Variants in DMBX1 observed in about 807,000 individuals in gnomAD.
DMBX1 encodes diencephalon/mesencephalon homeobox protein 1.
Under a neutral mutation model 30.4 loss-of-function variants are expected in DMBX1, and 7 were observed. That is an observed-to-expected ratio of 0.23 (90% CI 0.13 to 0.43). The LOEUF (loss-of-function observed/expected upper bound fraction) is 0.43, where lower values mean the gene tolerates loss of function less well. Among genes scored for constraint, DMBX1 ranks in the 20% least tolerant of loss-of-function variants. The probability of loss-of-function intolerance (pLI) is 1.00; values close to 1 mark genes in which losing one functional copy is unlikely to be tolerated. For synonymous variants in DMBX1, 222 were observed against 214.2 expected (o/e 1.04, Z -0.32); for missense variants, 460 against 508.5 (o/e 0.90, Z 0.92).
Position 46,512,315 on chromosome 1 carries a change from C to CT in DMBX1, c.956dup (p.Ser320ValfsTer33). On this transcript the variant is annotated frameshift_variant, in exon 6 of 6. Coordinates refer to ENST00000360032, the MANE Select transcript of DMBX1 (RefSeq NM_172225.2). LOFTEE classifies it high-confidence loss of function. The surrounding 1 kb of genome is among the most constrained non-coding windows in gnomAD (Gnocchi z 4.8). ...GCACTGCCAGTCCTACTACCAGTCC[C>CT]TGTCAGCAGCCGCTGCTGCCCACCA... 1 of 1,613,714 alleles carries CT rather than the reference C, an allele frequency of 6.2e-7. No homozygotes were observed. The highest frequency in any genetic ancestry group is 8.5e-7 in the Non-Finnish European group (1 of 1,179,912).
At chr1:46,499,767 G>A (rs1258460894) in intron 2 of DMBX1, among the ~76,000 whole-genome samples, 1 of 152,220 alleles carries the variant, frequency 6.6e-6, no homozygotes, top group African/African-American at 2.4e-5. Context: ...CCCTCAACGA[G>A]CTTAGTCTAG....
In DMBX1 at chr1:46,510,403, A is replaced by G. The variant is rs1666339142; in HGVS notation, c.155-73A>G. 1 of 1,538,874 alleles carries G rather than the reference A, an allele frequency of 6.5e-7. No individual in the cohort carries two copies. On this transcript the variant is annotated intron_variant, in intron 3 of 5. Coordinates refer to ENST00000360032, the MANE Select transcript of DMBX1 (RefSeq NM_172225.2). This position sits in a 1 kb window ranked among gnomAD's most constrained non-coding sequence, Gnocchi z 4.1. ...GGTGTCCACAGTGGGTCAGAGCAGG[A>G]TAAGATTCAAAGCTATTTCCCATAA...
rs140564592 is a variant in DMBX1, at chr1:46,513,792, A to G, written c.*1298A>G. ...GTGCGTGCAAAGCATATAGCAGCAC[A>G]TAGGCTCAGGCTTCTGTAGGCTTCC... On this transcript the variant is annotated 3_prime_UTR_variant, in exon 6 of 6. Transcript: ENST00000360032. 2.7e-3 allele frequency: 418 copies of G among 152,440 alleles called. 4 individuals carry two copies. The highest frequency in any genetic ancestry group is 1.7e-3 in the Non-Finnish European group (115 of 68,082). The allele number at this position is 152,440 out of a possible 1,614,324, so 9.4% of individuals were successfully genotyped here.
Position 46,511,158 on chromosome 1 carries a change from C to T in DMBX1, c.557C>T (p.Ser186Leu), listed in dbSNP as rs769990355. The change falls in exon 5 of 6, where the codon TCA becomes TTA. Residue 186 changes from serine to leucine, a missense_variant. Coordinates refer to ENST00000360032, the MANE Select transcript of DMBX1 (RefSeq NM_172225.2). ...LSLSEQSASESAPEDQPDREE... is the reference protein window; with the variant it reads ...LSLSEQSASELAPEDQPDREE... ...CTGTCTGAGCAGTCAGCCAGTGAGTCAGCCCCCGAGGATCAGCCGGACCGT... is the reference window on the plus strand; with the variant it reads ...CTGTCTGAGCAGTCAGCCAGTGAGTTAGCCCCCGAGGATCAGCCGGACCGT... 2.4e-5 allele frequency: 39 copies of T among 1,613,860 alleles called. No homozygotes were observed. In the Admixed American group the frequency reaches 4.0e-4, roughly 17 times the overall value.
At chr1:46,492,207 G>A (rs1665943299) in intron 2 of DMBX1, among the ~76,000 whole-genome samples, 1 of 152,384 alleles carries the variant, frequency 6.6e-6, no homozygotes, top group African/African-American at 2.4e-5. Flanking sequence ...GGCTCTGCCA[G>A]ATAGTGGGCT....
At chr1:46,492,942 C>T (rs1665957440) in intron 2 of DMBX1, among the ~76,000 whole-genome samples, 1 of 152,124 alleles carries the variant, frequency 6.6e-6, no homozygotes, top group Non-Finnish European at 1.5e-5. Flanking sequence ...CCCCAGGCAG[C>T]CCTAGGGAGG....
rs374648520 is a variant in DMBX1 at position 46,515,670 on chromosome 1, C to T, written c.*3176C>T. On this transcript the variant is annotated 3_prime_UTR_variant, in exon 6 of 6. Coordinates refer to ENST00000360032, the MANE Select transcript of DMBX1 (RefSeq NM_172225.2). Reference sequence around the variant, plus strand: ...CTCCAAGCACACTGGTAAGCGGCACCGTGCATCTCCTCTGAGCACGCTTGT... The same window carrying T: ...CTCCAAGCACACTGGTAAGCGGCACTGTGCATCTCCTCTGAGCACGCTTGT... Among the ~76,000 whole-genome samples the T allele has an allele frequency of 3.9e-4, 60 of 152,334 alleles. No homozygotes were observed. The highest frequency in any genetic ancestry group is 1.1e-3 in the African/African-American group (47 of 41,570).
intron 2 of DMBX1, among the ~76,000 whole-genome samples, chr1:46,501,823 T>C (rs1282278830): frequency 6.6e-6 from 1 of 152,202 alleles, no homozygotes; most frequent in Non-Finnish European, 1.5e-5. Context: ...CCAGCTTTAT[T>C]TTTTTATTCC....
chr1:46,505,825 GA>G (rs1185269132), intron 2 of DMBX1, among the ~76,000 whole-genome samples: 1 of 151,636 alleles, frequency 6.6e-6, no homozygotes, highest in Non-Finnish European at 1.5e-5. Flanking sequence ...CAGGAATGTG[GA>G]GTGGGGCAGG....
At chr1:46,511,649 G>C (rs1259837489) in intron 5 of DMBX1, among the ~76,000 whole-genome samples, 1 of 152,156 alleles carries the variant, frequency 6.6e-6, no homozygotes, top group African/African-American at 2.4e-5. Context: ...GCACATTTCT[G>C]AAGGAACAGA....
chr1:46,504,791 T>A (rs1666200410), intron 2 of DMBX1, among the ~76,000 whole-genome samples: 1 of 151,036 alleles, frequency 6.6e-6, no homozygotes, highest in African/African-American at 2.4e-5. Flanking sequence ...ATTGAATCTG[T>A]AAATTACCTT....
intron 2 of DMBX1, among the ~76,000 whole-genome samples, chr1:46,494,962 A>C (rs532180456): frequency 2.6e-5 from 4 of 152,302 alleles, no homozygotes; most frequent in Admixed American, 2.0e-4. Flanking sequence ...GAGGGCAGTG[A>C]CCAGGGCTCA....
rs1442899574 is a variant in DMBX1 at position 46,511,051 on chromosome 1, C to A, written c.450C>A (p.Ala150=). ...EGSHGEGKAE[A]PTPDTQLDTE... ...CCCATGGGGAAGGCAAGGCCGAGGCCCCCACTCCAGATACCCAGCTGGACA... is the reference window on the plus strand; with the variant it reads ...CCCATGGGGAAGGCAAGGCCGAGGCACCCACTCCAGATACCCAGCTGGACA... The change falls in exon 5 of 6, where the codon GCC becomes GCA. Residue 150 remains alanine, a synonymous_variant. Coordinates refer to ENST00000360032, the MANE Select transcript of DMBX1 (RefSeq NM_172225.2). 1 of 1,614,090 alleles carries A rather than the reference C, an allele frequency of 6.2e-7. No individual in the cohort carries two copies. Among genetic ancestry groups the A allele is most frequent in the Non-Finnish European group, 8.5e-7 (1 of 1,179,992 alleles).
intron 2 of DMBX1, among the ~76,000 whole-genome samples, chr1:46,496,587 C>T (rs1047162688): frequency 6.6e-6 from 1 of 152,238 alleles, no homozygotes; most frequent in African/African-American, 2.4e-5. Flanking sequence ...GACCCAAAAG[C>T]TCAGAGTTGG....
intron 5 of DMBX1, 145 bp downstream of exon 5, chr1:46,511,428 C>A: frequency 1.0e-6 from 1 of 994,002 alleles, no homozygotes; most frequent in Non-Finnish European, 1.4e-6. Context: ...CAGGTTTTCA[C>A]CCTTTAGTTG....
rs995771758 is a variant in DMBX1 at position 46,491,871 on chromosome 1, T to A, written c.-13+1088T>A. On this transcript the variant is annotated intron_variant, in intron 2 of 5. Transcript: ENST00000360032. This position sits in a 1 kb window ranked among gnomAD's most constrained non-coding sequence, Gnocchi z 5.5. ...TCCCCTTTCTGCAAACCAGCTGTGT[T>A]TATGTGTGTCTAGGTGTTCAGAAAA... Among the ~76,000 whole-genome samples, 11 of 152,312 alleles carry A rather than the reference T, an allele frequency of 7.2e-5. No individual in the cohort carries two copies. Among genetic ancestry groups the A allele is most frequent in the Admixed American group, 3.9e-4 (6 of 15,302 alleles).
chr1:46,511,700 C>T (rs562227936), intron 5 of DMBX1, among the ~76,000 whole-genome samples: 1 of 151,728 alleles, frequency 6.6e-6, no homozygotes, highest in African/African-American at 2.4e-5. Flanking sequence ...ACCCTAAGCC[C>T]AGCAGGGAGG....
intron 2 of DMBX1, among the ~76,000 whole-genome samples, chr1:46,501,852 A>G (rs1212771099): frequency 6.6e-6 from 1 of 152,166 alleles, no homozygotes; most frequent in Non-Finnish European, 1.5e-5. Flanking sequence ...AGTTCTTTGT[A>G]TATATCATGG....
chr1:46,499,124 C>T (rs1234649381), intron 2 of DMBX1, among the ~76,000 whole-genome samples: 1 of 152,028 alleles, frequency 6.6e-6, no homozygotes, highest in East Asian at 1.9e-4. Context: ...GCAACCTCCG[C>T]CTCCCCGGTT....
Sources: gnomAD v4.1 joint callset for allele counts (sites outside exome capture counted in the v4.1 genomes callset) on GRCh38, gnomAD v4.1.1 for gene constraint, Gnocchi (gnomAD v3.1) non-coding constraint, MANE v1.5 for transcripts, NCBI Gene and HGNC (gene_info 2026-07-23, HGNC 2026-07-21) for gene names.